NPR3: variants seen among roughly 807,000 people sequenced by gnomAD.
The protein encoded by NPR3 is atrial natriuretic peptide receptor 3.
Under a neutral mutation model 54.5 loss-of-function variants are expected in NPR3, and 34 were observed. That is an observed-to-expected ratio of 0.62 (90% CI 0.47 to 0.83). NPR3 has a LOEUF of 0.83. Ranked by LOEUF, NPR3 falls within the 40% of genes least tolerant of loss-of-function variation. The pLI, the probability that NPR3 is intolerant of heterozygous loss-of-function variation, is 0.00. For synonymous variants in NPR3, 289 were observed against 297.1 expected, an observed-to-expected ratio of 0.97 and a Z score of 0.28; for missense variants, 674 against 720.8, an observed-to-expected ratio of 0.94 and a Z score of 0.74.
chr5:32,739,439 A>C (rs190225669), intron 3 of NPR3, among the ~76,000 whole-genome samples: 3 of 152,244 alleles, frequency 2.0e-5, no homozygotes, highest in African/African-American at 7.2e-5. Context: ...GCTTGGTGGC[A>C]GCTGATATTT....
chr5:32,741,196 T>C (rs530507950), intron 3 of NPR3, among the ~76,000 whole-genome samples: 21 of 152,006 alleles, frequency 1.4e-4, no homozygotes, highest in Non-Finnish European at 2.6e-4. Flanking sequence ...AGGCAGGCAA[T>C]TGCTTGAGCT....
At chr5:32,734,670 A>G (rs1241281524) in intron 2 of NPR3, among the ~76,000 whole-genome samples, 1 of 152,190 alleles carries the variant, frequency 6.6e-6, no homozygotes, top group Non-Finnish European at 1.5e-5. Flanking sequence ...GTGCCACCCA[A>G]TGGAACTTTC....
At chr5:32,723,862 CCTCCTCTCACCTCCT>C (rs1258705373) in intron 1 of NPR3, among the ~76,000 whole-genome samples, 2 of 151,790 alleles carry the variant, frequency 1.3e-5, no homozygotes, top group African/African-American at 4.8e-5. Context: ...CCTCTTCTCC[CCTCCTCTCACCTCCT>C]CTCCTCTCCC....
Position 32,711,641 on chromosome 5 carries a change from G to T in NPR3, c.-136G>T. 1 of 1,278,016 alleles carries T rather than the reference G, an allele frequency of 7.8e-7. No homozygotes were observed. The allele number at this position is 1,278,016 out of a possible 1,614,324, so 79.2% of individuals were successfully genotyped here. ...TCTATCTTTTGGCGCATTAGTGAAGGGGGTATTCTATTTTGTTAAAGCGCC... is the reference window on the plus strand; with the variant it reads ...TCTATCTTTTGGCGCATTAGTGAAGTGGGTATTCTATTTTGTTAAAGCGCC... On this transcript the variant is annotated 5_prime_UTR_variant, in exon 1 of 8. Transcript: ENST00000265074.
chr5:32,762,291 T>C (rs1252788122), intron 3 of NPR3, among the ~76,000 whole-genome samples: 1 of 151,814 alleles, frequency 6.6e-6, no homozygotes, highest in African/African-American at 2.4e-5. Context: ...TAATTTATAA[T>C]CCTCTGGGTA....
chr5:32,777,921 A>G (rs1163536007), intron 4 of NPR3, among the ~76,000 whole-genome samples: 1 of 152,220 alleles, frequency 6.6e-6, no homozygotes, highest in East Asian at 1.9e-4. Flanking sequence ...AGAACCTGGC[A>G]TCTGTGGACA....
At chr5:32,712,596 C>A in intron 1 of NPR3, 51 bp downstream of exon 1, 1 of 1,480,138 alleles carries the variant, frequency 6.8e-7, no homozygotes, top group East Asian at 2.3e-5. Context: ...CCGCTCTCCG[C>A]GGCTCTCCCT....
chr5:32,711,314 A>G, upstream of NPR3: 1 of 984,314 alleles, frequency 1.0e-6, no homozygotes, highest in Non-Finnish European at 1.2e-6. Flanking sequence ...CTATGGATCC[A>G]GGAACCGGCG....
chr5:32,770,362 C>A (rs540948414), intron 3 of NPR3, among the ~76,000 whole-genome samples: 225 of 151,194 alleles, frequency 1.5e-3, no homozygotes, highest in African/African-American at 4.9e-3. Context: ...CTGGGTAGGT[C>A]AAGGCTGTAG....
chr5:32,729,029 TGTTTTG>T (rs1561090552), intron 2 of NPR3, among the ~76,000 whole-genome samples: 92 of 98,170 alleles, frequency 9.4e-4, no homozygotes, highest in Admixed American at 1.2e-3. Context: ...TTTTTTTTTT[TGTTTTG>T]TTTTTTTTTT....
chr5:32,746,488 G>C (rs964761268), intron 3 of NPR3, among the ~76,000 whole-genome samples: 1 of 152,138 alleles, frequency 6.6e-6, no homozygotes, highest in Non-Finnish European at 1.5e-5. Flanking sequence ...GTGTATGTCA[G>C]GTTGCACTGA....
intron 3 of NPR3, among the ~76,000 whole-genome samples, chr5:32,752,465 T>C (rs1740627962): frequency 6.6e-6 from 1 of 152,140 alleles, no homozygotes; most frequent in African/African-American, 2.4e-5. Context: ...TGAAGCTGTA[T>C]TTGCCGCCCT....
chr5:32,765,564 G>A (rs1213097332), intron 3 of NPR3, among the ~76,000 whole-genome samples: 3 of 152,192 alleles, frequency 2.0e-5, no homozygotes, highest in African/African-American at 7.2e-5. Context: ...GTGTAACAAA[G>A]ATACCTGAGG....
At chr5:32,774,616 A>G in intron 3 of NPR3, 92 bp from the exon 4 acceptor site, 2 of 925,486 alleles carry the variant, frequency 2.2e-6, no homozygotes, top group Non-Finnish European at 1.8e-6. Flanking sequence ...ACAGACCTGA[A>G]GTCTAACTTG....
chr5:32,767,593 T>C (rs1741542339), intron 3 of NPR3, among the ~76,000 whole-genome samples: 1 of 152,226 alleles, frequency 6.6e-6, no homozygotes, highest in African/African-American at 2.4e-5. Flanking sequence ...AAGGCTACTG[T>C]TCTGTGGAAT....
At chr5:32,782,787 C>CATTTT in intron 5 of NPR3, 106 bp from the exon 6 acceptor site, 1 of 1,103,422 alleles carries the variant, frequency 9.1e-7, no homozygotes, top group South Asian at 1.7e-5. Flanking sequence ...CAGAGGCAGC[C>CATTTT]AGTTTAGATC....
intron 2 of NPR3, among the ~76,000 whole-genome samples, chr5:32,726,002 G>A (rs77705257): frequency 6.6e-6 from 1 of 152,128 alleles, no homozygotes; most frequent in Non-Finnish European, 1.5e-5. Context: ...AAAGATAACA[G>A]GTACAAGACA....
chr5:32,718,715 C>T (rs1738686565), intron 1 of NPR3, among the ~76,000 whole-genome samples: 1 of 152,194 alleles, frequency 6.6e-6, no homozygotes, highest in African/African-American at 2.4e-5. Context: ...TGAGACTTTG[C>T]TGAAGTTGCT....
upstream of NPR3, among the ~76,000 whole-genome samples, chr5:32,705,480 C>G (rs55738139): frequency 6.6e-6 from 1 of 151,992 alleles, no homozygotes; most frequent in African/African-American, 2.4e-5. Context: ...TCTGGGGAGA[C>G]CTCAGGAAAC....
Sources: gnomAD v4.1 joint callset for allele counts (sites outside exome capture counted in the v4.1 genomes callset) on GRCh38, gnomAD v4.1.1 for gene constraint, MANE v1.5 for transcripts, NCBI Gene and HGNC (gene_info 2026-07-23, HGNC 2026-07-21) for gene names.